The following CDHR1 variants were observed in gnomAD, a reference collection of about 807,000 sequenced individuals.
CDHR1 encodes the protein cadherin-related family member 1.
A neutral mutation model predicts 72.1 loss-of-function variants in CDHR1; 61 were observed. That is an observed-to-expected ratio of 0.85 (90% confidence interval 0.69 to 1.05). The LOEUF is 1.05. Among genes scored for constraint, CDHR1 ranks in the 50% least tolerant of loss-of-function variants. The pLI is 0.00. For missense variants in CDHR1, 1,186 were observed against 1,115.7 expected, an observed-to-expected ratio of 1.06 and a Z score of -0.90; for synonymous variants, 470 against 448.1, an observed-to-expected ratio of 1.05 and a Z score of -0.62.
At chr10:84,209,602 G>T (rs1301275166) in intron 12 of CDHR1, among the ~76,000 whole-genome samples, 2 of 149,304 alleles carry the variant, frequency 1.3e-5, no homozygotes, top group Non-Finnish European at 3.0e-5. Context: ...TTATTTGCAG[G>T]TGATGATTGT....
At chr10:84,197,119 A>G (rs2132789603) in intron 3 of CDHR1, among the ~76,000 whole-genome samples, 1 of 152,268 alleles carries the variant, frequency 6.6e-6, no homozygotes, top group Non-Finnish European at 1.5e-5. Flanking sequence ...GGGCTTTTTC[A>G]GACCGCATAG....
chr10:84,203,277 T>A (rs755147634), intron 8 of CDHR1, among the ~76,000 whole-genome samples, 154 bp downstream of exon 8: 1 of 152,208 alleles, frequency 6.6e-6, no homozygotes, highest in South Asian at 2.1e-4. Flanking sequence ...CCTCAGGCCA[T>A]GAACTGGCCC....
At position 84,215,822 on chromosome 10, in the gene CDHR1, C is replaced by T. The variant is rs1175118256; in HGVS notation, c.*1201C>T. ...GGCTACCACTGGATGATGGCATTGCCGTGACTCACACACCTCTACTTCTGT... is the reference window on the plus strand; with the variant it reads ...GGCTACCACTGGATGATGGCATTGCTGTGACTCACACACCTCTACTTCTGT... On this transcript the variant is annotated 3_prime_UTR_variant, in exon 17 of 17. Transcript: ENST00000623527. The T allele has an allele frequency of 7.1e-6, 7 of 985,532 alleles. No homozygotes were observed. Among genetic ancestry groups the T allele is most frequent in the East Asian group, 2.3e-4 (2 of 8,798 alleles). The allele number at this position is 985,532 out of a possible 1,614,324, so 61.0% of individuals were successfully genotyped here.
In CDHR1 at chr10:84,217,109, G is replaced by T. The variant is rs373727523; in HGVS notation, c.*2488G>T. ...AGGAGGAGGGTGCAGCCAAACTTAAGGCACCGGCAAGTGTTGTCAGCACTG... is the reference window on the plus strand; with the variant it reads ...AGGAGGAGGGTGCAGCCAAACTTAATGCACCGGCAAGTGTTGTCAGCACTG... On this transcript the variant is annotated 3_prime_UTR_variant, in exon 17 of 17. Transcript: ENST00000623527. The T allele has an allele frequency of 1.9e-4, 183 of 985,646 alleles. No homozygotes were observed. The African/African-American group carries it at 3.0e-3, about 16-fold the overall frequency. 61.1% of individuals were successfully genotyped at this position (985,646 alleles called of 1,614,324 possible).
intron 12 of CDHR1, among the ~76,000 whole-genome samples, chr10:84,210,692 C>G (rs1029964302): frequency 1.3e-5 from 2 of 152,110 alleles, no homozygotes; most frequent in African/African-American, 4.8e-5. Flanking sequence ...TTTATATGGG[C>G]TAATAAACTT....
At chr10:84,195,318 G>A (rs373099789) in intron 1 of CDHR1, among the ~76,000 whole-genome samples, 176 bp from the exon 2 acceptor site, 19 of 152,290 alleles carry the variant, frequency 1.2e-4, no homozygotes, top group African/African-American at 4.3e-4. Context: ...TGGGGGTCAG[G>A]GGCATCCTCT....
Position 84,195,479 on chromosome 10 carries a change from G to A in CDHR1, c.56-15G>A. ...CTTTGCCTGGGTGTCCGTCTGTTCTGTGTTCTTTTTCCAGCTCAGGCCAAC... is the reference window on the plus strand; with the variant it reads ...CTTTGCCTGGGTGTCCGTCTGTTCTATGTTCTTTTTCCAGCTCAGGCCAAC... On this transcript the variant is annotated splice_polypyrimidine_tract_variant and intron_variant, in intron 1 of 16. Coordinates refer to ENST00000623527, the MANE Select transcript of CDHR1 (RefSeq NM_033100.4). The A allele has an allele frequency of 6.2e-7, 1 of 1,611,678 alleles. No individual in the cohort carries two copies. Among genetic ancestry groups the A allele is most frequent in the East Asian group, 2.2e-5 (1 of 44,780 alleles).
At position 84,216,779 on chromosome 10, in the gene CDHR1, C is replaced by T. The variant is rs1842432334; in HGVS notation, c.*2158C>T. On this transcript the variant is annotated 3_prime_UTR_variant, in exon 17 of 17. Transcript: ENST00000623527. ...CCAAACAGGACAAGCCCAGGCAGGG[C>T]TGCATGGAGAGGAATGGAACCTGGA... 4 of 985,396 alleles carry T rather than the reference C, an allele frequency of 4.1e-6. No individual in the cohort carries two copies. In the South Asian group the frequency reaches 1.4e-4, roughly 35 times the overall value. 61.0% of individuals were successfully genotyped at this position (985,396 alleles called of 1,614,324 possible).
Position 84,217,375 on chromosome 10 carries a change from A to G in CDHR1, c.*2754A>G. ...ATGGATGTGACACCAAATACTCTGC[A>G]GAGTCATTTTCCTCCTGCGGCTGAG... is the stretch of plus-strand genomic sequence containing the variant. On this transcript the variant is annotated 3_prime_UTR_variant, in exon 17 of 17. Transcript: ENST00000623527. The G allele has an allele frequency of 1.0e-6, 1 of 985,462 alleles. No individual in the cohort carries two copies. The highest frequency in any genetic ancestry group is 4.7e-5 in the South Asian group (1 of 21,288). 61.0% of individuals were successfully genotyped at this position (985,462 alleles called of 1,614,324 possible). A position where few individuals can be genotyped will look rare whatever the true frequency, so the allele number is the denominator to read the frequency against.
At chr10:84,202,889 A>G in intron 7 of CDHR1, 91 bp from the exon 8 acceptor site, 2 of 1,453,574 alleles carry the variant, frequency 1.4e-6, no homozygotes, top group Non-Finnish European at 1.9e-6. Context: ...CCTCACAGCC[A>G]TAGGTGGCAG....
At chr10:84,213,855 T>C (rs1471576185) in intron 16 of CDHR1, among the ~76,000 whole-genome samples, 1 of 152,198 alleles carries the variant, frequency 6.6e-6, no homozygotes, top group East Asian at 1.9e-4. Flanking sequence ...CAGAGAGTGG[T>C]CTGCACCATG....
intron 7 of CDHR1, among the ~76,000 whole-genome samples, 160 bp from the exon 8 acceptor site, chr10:84,202,820 A>C (rs530556635): frequency 4.6e-5 from 7 of 152,234 alleles, no homozygotes; most frequent in African/African-American, 7.2e-5. Context: ...CACTCCTGTG[A>C]GAGAAGAATT....
chr10:84,196,395 G>A, intron 2 of CDHR1, 110 bp from the exon 3 acceptor site: 1 of 1,211,990 alleles, frequency 8.3e-7, no homozygotes, highest in Non-Finnish European at 1.2e-6. Flanking sequence ...CTTTGGCACT[G>A]AGTTGAATAG....
chr10:84,197,301 G>A (rs989047977), intron 3 of CDHR1, among the ~76,000 whole-genome samples: 22 of 152,158 alleles, frequency 1.4e-4, no homozygotes, highest in East Asian at 7.7e-4. Flanking sequence ...CCTGGCACCC[G>A]CGGGATCTGG....
At chr10:84,218,874 G>T (rs1203191455), downstream of CDHR1, among the ~76,000 whole-genome samples, 1 of 152,068 alleles carries the variant, frequency 6.6e-6, no homozygotes, top group African/African-American at 2.4e-5. Flanking sequence ...AGCACAAACT[G>T]ATGTAGATGC....
rs969607507 is a variant in CDHR1 at position 84,196,761 on chromosome 10, GA to G, written c.297+112del. On this transcript the variant is annotated intron_variant, in intron 3 of 16. Transcript: ENST00000623527. ...AGAACCTCTCCACAGAGTAGGGGAT[GA>G]GGGGGCACACCCCAGGCACATCCAC... is the stretch of plus-strand genomic sequence containing the variant. 2.1e-4 allele frequency: 262 copies of G among 1,258,566 alleles called. No homozygotes were observed. The African/African-American group carries it at 2.4e-3, about 11-fold the overall frequency. The allele number at this position is 1,258,566 out of a possible 1,614,324, so 78.0% of individuals were successfully genotyped here.
intron 8 of CDHR1, among the ~76,000 whole-genome samples, chr10:84,204,174 T>C (rs1356287646): frequency 2.0e-5 from 3 of 151,954 alleles, no homozygotes; most frequent in African/African-American, 7.3e-5. Flanking sequence ...AAGCAAAAGA[T>C]GGAGAGGGCA....
downstream of CDHR1, chr10:84,219,445 C>T (rs1842476030): frequency 1.8e-6 from 2 of 1,110,700 alleles, no homozygotes; most frequent in Non-Finnish European, 2.4e-6. Context: ...CCCTCTGTCT[C>T]ATGTGCACCA....
chr10:84,198,897 G>A (rs1842072799), intron 4 of CDHR1, 135 bp from the exon 5 acceptor site: 3 of 709,302 alleles, frequency 4.2e-6, no homozygotes, highest in South Asian at 1.5e-5. Flanking sequence ...ATGAATAAAA[G>A]AAGGAAGAGA....
Sources: gnomAD v4.1 joint callset for allele counts (sites outside exome capture counted in the v4.1 genomes callset) on GRCh38, gnomAD v4.1.1 for gene constraint, MANE v1.5 for transcripts, NCBI Gene and HGNC (gene_info 2026-07-23, HGNC 2026-07-21) for gene names.